Variants in HTT observed in about 807,000 individuals in gnomAD.
HTT encodes the protein huntingtin, also known as huntington disease protein.
HTT carries 104 observed loss-of-function variants against 362.3 expected under a neutral mutation model. The ratio of observed to expected loss-of-function variants is 0.29; its 90% CI spans 0.24 to 0.34. HTT has a LOEUF of 0.34. HTT is among the 10% of genes least tolerant of loss of function. The pLI is 1.00. For missense variants in HTT, 3,301 were observed against 3,928.6 expected, an observed-to-expected ratio of 0.84 and a Z score of 4.27; for synonymous variants, 1,577 against 1,548.7, an observed-to-expected ratio of 1.02 and a Z score of -0.43.
At chr4:3,159,460 A>G (rs1327270785) in intron 28 of HTT, among the ~76,000 whole-genome samples, 5 of 151,878 alleles carry the variant, frequency 3.3e-5, no homozygotes, top group African/African-American at 9.7e-5. Context: ...TCACCACATC[A>G]CCTCGTTCCT....
rs375913560 is a variant in HTT, at chr4:3,217,865, G to T, written c.7155G>T (p.Pro2385=). 7.4e-6 allele frequency: 12 copies of T among 1,614,062 alleles called. No homozygotes were observed. The Admixed American group carries it at 1.3e-4, about 18-fold the overall frequency. ...GTCATAAAAGGAATAGCGGCGTGCC[G>T]GCGTTTCTCACGCCATTGCTAAGGA... is the stretch of plus-strand genomic sequence containing the variant. ...ALGHKRNSGV[P]AFLTPLLRNI... Residue 2385 remains proline (P), a synonymous_variant, in exon 52 of 67, where the codon CCG becomes CCT. Transcript: ENST00000355072.
In HTT at chr4:3,155,897, C is replaced by CAA. The variant is rs544532624; in HGVS notation, c.3626-1160_3626-1159dup. On this transcript the variant is annotated intron_variant, in intron 27 of 66. Transcript: ENST00000355072. Reference sequence around the variant, plus strand: ...TGGGCGATAGAGCGAGACTCCGTCTCAAAAAAAAAAAAAAAAGAAGAAATA... The same window carrying CAA: ...TGGGCGATAGAGCGAGACTCCGTCTCAAAAAAAAAAAAAAAAAAGAAGAAATA... Among the ~76,000 whole-genome samples, 222 of 84,590 alleles carry CAA rather than the reference C, an allele frequency of 2.6e-3. 1 individual carries two copies. Among genetic ancestry groups the CAA allele is most frequent in the African/African-American group, 8.0e-3 (200 of 25,108 alleles). 55.5% of individuals were successfully genotyped at this position (84,590 alleles called of 152,430 possible).
chr4:3,190,208 T>G (rs1198504010), intron 40 of HTT, among the ~76,000 whole-genome samples: 2 of 151,332 alleles, frequency 1.3e-5, no homozygotes, highest in Non-Finnish European at 2.9e-5. Context: ...TAGCTAGATA[T>G]GGTGGGCACA....
intron 39 of HTT, 198 bp downstream of exon 39, chr4:3,188,084 A>G: frequency 1.8e-6 from 1 of 542,900 alleles, no homozygotes; most frequent in South Asian, 2.2e-5. Flanking sequence ...AAGTTCTGTC[A>G]TGTTCTGTCT....
chr4:3,174,644 A>T lies in HTT; in HGVS notation c.4167-77A>T, dbSNP rs1052615965. On this transcript the variant is annotated intron_variant, in intron 31 of 66. Coordinates refer to ENST00000355072, the MANE Select transcript of HTT (RefSeq NM_001388492.1). ...GTGTGAATGTGAAATTGGTTTGAGC[A>T]GGAGTATATCTGAGTGCAGAGGAGA... The T allele has an allele frequency of 4.3e-6, 5 of 1,160,974 alleles. No homozygotes were observed. The East Asian group carries it at 1.2e-4, about 27-fold the overall frequency. 71.9% of individuals were successfully genotyped at this position (1,160,974 alleles called of 1,614,324 possible).
chr4:3,115,851 G>A (rs1284229350), intron 7 of HTT, among the ~76,000 whole-genome samples: 1 of 152,196 alleles, frequency 6.6e-6, no homozygotes, highest in African/African-American at 2.4e-5. Context: ...GCATGTGGAC[G>A]TGCGATATGA....
intron 2 of HTT, 49 bp from the exon 3 acceptor site, chr4:3,099,225 C>A: frequency 1.5e-6 from 2 of 1,301,364 alleles, no homozygotes; most frequent in African/African-American, 1.5e-5. Flanking sequence ...ATTTCATTGT[C>A]ATGTCACCTT....
chr4:3,191,602 T>A (rs1330677812), intron 40 of HTT, among the ~76,000 whole-genome samples: 1 of 152,202 alleles, frequency 6.6e-6, no homozygotes, highest in East Asian at 1.9e-4. Flanking sequence ...CAAGTTAATT[T>A]GGCAAGTAGA....
chr4:3,177,411 A>AT, intron 34 of HTT, 24 bp downstream of exon 34: 1 of 1,489,512 alleles, frequency 6.7e-7, no homozygotes, highest in Non-Finnish European at 9.1e-7. Context: ...ATTATTTTAG[A>AT]TTTTTTTCTT....
At chr4:3,189,531 C>CAA (rs1368063554) in intron 40 of HTT, among the ~76,000 whole-genome samples, 7 of 152,158 alleles carry the variant, frequency 4.6e-5, no homozygotes, top group African/African-American at 1.4e-4. Context: ...CACAAAAGGA[C>CAA]AAATACTATG....
intron 36 of HTT, among the ~76,000 whole-genome samples, chr4:3,182,075 A>T (rs886416582): frequency 5.3e-5 from 8 of 152,244 alleles, no homozygotes; most frequent in African/African-American, 1.9e-4. Flanking sequence ...ATTGTGAAAT[A>T]TTACAAATTC....
chr4:3,093,263 G>A (rs1332385722), intron 2 of HTT, among the ~76,000 whole-genome samples: 1 of 152,208 alleles, frequency 6.6e-6, no homozygotes, highest in African/African-American at 2.4e-5. Context: ...ACCAGTTGGA[G>A]TGGAAAACCT....
chr4:3,212,022 G>A lies in HTT; in HGVS notation c.6508G>A (p.Glu2170Lys). 6.2e-6 allele frequency: 10 copies of A among 1,614,210 alleles called. No homozygotes were observed. Among genetic ancestry groups the A allele is most frequent in the Non-Finnish European group, 8.5e-6 (10 of 1,180,028 alleles). Residue 2170 changes from glutamate to lysine, a missense_variant, in exon 48 of 67, where the codon GAG becomes AAG. By Grantham distance (56) the Glu-to-Lys change is moderately conservative (BLOSUM62 1). Transcript: ENST00000355072. ...GAGTGCCCTTTTTGAAGCAGCCCGT[G>A]AGGTGACTCTGGCCCGTGTGAGCGG... ...QKSALFEAAR[E>K]VTLARVSGTV...
At chr4:3,209,416 A>G (rs933087707) in intron 46 of HTT, among the ~76,000 whole-genome samples, 11 of 152,344 alleles carry the variant, frequency 7.2e-5, no homozygotes, top group Admixed American at 6.5e-4. Flanking sequence ...TTTAGATTTC[A>G]AAAACCAGCA....
In HTT at chr4:3,243,298, G is replaced by A. The variant is rs1422830008; in HGVS notation, c.*3239G>A. On this transcript the variant is annotated 3_prime_UTR_variant, in exon 67 of 67. Coordinates refer to ENST00000355072, the MANE Select transcript of HTT (RefSeq NM_001388492.1). ...ATCCTTCCCAGCAGACATCCTCATC[G>A]GGCTTTGTCCCTCCCCCGCTTCCTC... is the stretch of plus-strand genomic sequence containing the variant. 7 of 152,584 alleles carry A rather than the reference G, an allele frequency of 4.6e-5. No individual in the cohort carries two copies. Among genetic ancestry groups the A allele is most frequent in the African/African-American group, 1.2e-4 (5 of 41,438 alleles). 9.5% of individuals were successfully genotyped at this position (152,584 alleles called of 1,614,324 possible).
intron 42 of HTT, among the ~76,000 whole-genome samples, chr4:3,205,049 G>A (rs184501617): frequency 7.0e-4 from 106 of 152,134 alleles, no homozygotes; most frequent in Admixed American, 1.8e-3. Context: ...TTTTATGATG[G>A]ATTCCTGTTT....
intron 9 of HTT, among the ~76,000 whole-genome samples, chr4:3,122,303 A>G (rs529727606): frequency 1.3e-5 from 2 of 152,330 alleles, no homozygotes; most frequent in African/African-American, 4.8e-5. Context: ...CTAGCAGGCT[A>G]TGGATAAACT....
intron 1 of HTT, among the ~76,000 whole-genome samples, chr4:3,081,372 C>A (rs898351362): frequency 6.6e-6 from 1 of 152,022 alleles, no homozygotes; most frequent in African/African-American, 2.4e-5. Flanking sequence ...TTATTAATGA[C>A]AAGGAAGTTT....
chr4:3,194,598 A>T (rs925250536), intron 40 of HTT, among the ~76,000 whole-genome samples: 1 of 152,084 alleles, frequency 6.6e-6, no homozygotes, highest in African/African-American at 2.4e-5. Flanking sequence ...TGCCATCCAG[A>T]CTATACCCAG....
Sources: allele counts gnomAD v4.1 joint callset (sites outside exome capture counted in the v4.1 genomes callset), GRCh38; gene constraint gnomAD v4.1.1; transcripts MANE v1.5; gene names NCBI Gene and HGNC (gene_info 2026-07-23, HGNC 2026-07-21).